OSBP2: variants seen among roughly 807,000 people sequenced by gnomAD.
The protein encoded by OSBP2 is oxysterol binding protein 2, also known as oxysterol-binding protein 2.
Under a neutral mutation model 96.0 loss-of-function variants are expected in OSBP2, and 66 were observed. That is an observed-to-expected ratio of 0.69 (90% CI 0.56 to 0.84). The LOEUF is 0.84. Among genes scored for constraint, OSBP2 ranks in the 40% least tolerant of loss-of-function variants. The pLI, the probability that OSBP2 is intolerant of heterozygous loss-of-function variation, is 0.00. For synonymous variants in OSBP2, 525 were observed against 520.9 expected (o/e 1.01, Z -0.11); for missense variants, 1,038 against 1,222.7 (o/e 0.85, Z 2.25).
intron 2 of OSBP2, among the ~76,000 whole-genome samples, chr22:30,788,155 C>A (rs1475716027): frequency 6.6e-6 from 1 of 152,122 alleles, no homozygotes; most frequent in Non-Finnish European, 1.5e-5. Flanking sequence ...CAGCGCCATA[C>A]CTGGTCCATA....
Position 30,906,163 on chromosome 22 carries a change from G to A in OSBP2, c.2609-34G>A. 3 of 1,613,372 alleles carry A rather than the reference G, an allele frequency of 1.9e-6. No individual in the cohort carries two copies. The South Asian group carries it at 3.3e-5, about 18-fold the overall frequency. On this transcript the variant is annotated intron_variant, in intron 13 of 13. Coordinates refer to ENST00000332585, the MANE Select transcript of OSBP2 (RefSeq NM_030758.4). ...CGGATTCCGGGGGAGCAGGCCACAA[G>A]CCCACCCACCAGCCCACTGTGCCTG...
intron 1 of OSBP2, among the ~76,000 whole-genome samples, chr22:30,730,774 CTATA>C (rs1206537838): frequency 0.016 from 217 of 13,764 alleles, 3 homozygotes; most frequent in East Asian, 0.024. Flanking sequence ...CTCTCTCTCT[CTATA>C]TATATATATA....
intron 2 of OSBP2, among the ~76,000 whole-genome samples, chr22:30,774,927 C>T (rs1451967041): frequency 1.3e-5 from 2 of 152,168 alleles, no homozygotes; most frequent in Non-Finnish European, 2.9e-5. Context: ...TCTAACATTT[C>T]TATGCATGTA....
At chr22:30,779,032 T>C (rs1364777997) in intron 2 of OSBP2, among the ~76,000 whole-genome samples, 29 of 143,630 alleles carry the variant, frequency 2.0e-4, no homozygotes, top group Admixed American at 2.0e-3. Context: ...GGAGACTCCA[T>C]CTCAAAAAAA....
chr22:30,695,086 A>G lies in OSBP2; in HGVS notation c.177A>G (p.Glu59=). 2 of 1,579,826 alleles carry G rather than the reference A, an allele frequency of 1.3e-6. No individual in the cohort carries two copies. Among genetic ancestry groups the G allele is most frequent in the Non-Finnish European group, 1.7e-6 (2 of 1,162,788 alleles). Residue 59 remains glutamate, a synonymous_variant, in exon 1 of 14, where the codon GAA becomes GAG. Coordinates refer to ENST00000332585, the MANE Select transcript of OSBP2 (RefSeq NM_030758.4). ...EPKPQPQPVP[E]PERGPLSEQV... The stretch of plus-strand genomic sequence containing the variant: ...AGCCCCAGCCCCAGCCCGTGCCCGA[A>G]CCGGAGCGGGGACCGCTGTCAGAAC...
intron 1 of OSBP2, among the ~76,000 whole-genome samples, chr22:30,711,739 C>CAAAA (rs34152986): frequency 1.1e-5 from 1 of 91,846 alleles, no homozygotes; most frequent in African/African-American, 4.9e-5. Context: ...GACCCTATCT[C>CAAAA]AAAAAAAAAA....
At chr22:30,891,591 T>C (rs2039948958) in intron 8 of OSBP2, among the ~76,000 whole-genome samples, 1 of 152,186 alleles carries the variant, frequency 6.6e-6, no homozygotes, top group Admixed American at 6.5e-5. Context: ...CTGCAGCTGC[T>C]GCAAGGCCCC....
intron 2 of OSBP2, among the ~76,000 whole-genome samples, chr22:30,857,577 A>T (rs534381296): frequency 6.6e-6 from 1 of 152,330 alleles, no homozygotes; most frequent in African/African-American, 2.4e-5. Flanking sequence ...TCTACCTCGA[A>T]CATGGGTCCA....
At chr22:30,748,310 A>T (rs1012143330) in intron 2 of OSBP2, among the ~76,000 whole-genome samples, 26 of 152,226 alleles carry the variant, frequency 1.7e-4, no homozygotes, top group African/African-American at 6.3e-4. Context: ...ACCTCAGGTG[A>T]TCCGCCTGCC....
At chr22:30,701,985 A>G (rs1049957574) in intron 1 of OSBP2, among the ~76,000 whole-genome samples, 3 of 152,164 alleles carry the variant, frequency 2.0e-5, no homozygotes, top group Non-Finnish European at 4.4e-5. Context: ...GCACACCAAC[A>G]TTCTTAGCAA....
In OSBP2 at chr22:30,735,115, G is replaced by A. The variant is rs375726361; in HGVS notation, c.645-6046G>A. 5.5e-4 allele frequency among the ~76,000 whole-genome samples: 84 copies of A among 152,230 alleles called. 2 individuals are homozygous for A. The highest frequency in any genetic ancestry group is 2.7e-3 in the East Asian group (14 of 5,184). ...GCTGAGACAGGAGGATTGTTTGAGC[G>A]CAGGAGTTCAAGGCTGCAGTGAGCT... On this transcript the variant is annotated intron_variant, in intron 1 of 13. Coordinates refer to ENST00000332585, the MANE Select transcript of OSBP2 (RefSeq NM_030758.4).
At chr22:30,713,434 T>C (rs1298454230) in intron 1 of OSBP2, among the ~76,000 whole-genome samples, 4 of 149,248 alleles carry the variant, frequency 2.7e-5, no homozygotes, top group African/African-American at 7.4e-5. Flanking sequence ...TGGGAACCAA[T>C]GAAGTATTTT....
intron 1 of OSBP2, among the ~76,000 whole-genome samples, chr22:30,707,834 A>G (rs1416065857): frequency 6.6e-6 from 1 of 151,794 alleles, no homozygotes; most frequent in Non-Finnish European, 1.5e-5. Flanking sequence ...AATTGCTAGG[A>G]GAACACAGTG....
intron 2 of OSBP2, among the ~76,000 whole-genome samples, chr22:30,840,320 AAAG>A (rs2038725477): frequency 6.6e-6 from 1 of 150,652 alleles, no homozygotes; most frequent in African/African-American, 2.5e-5. Flanking sequence ...AAAAAAAGAA[AAAG>A]GAAAAAAAAA....
chr22:30,745,472 C>A (rs1262936212), intron 2 of OSBP2, among the ~76,000 whole-genome samples: 1 of 151,888 alleles, frequency 6.6e-6, no homozygotes, highest in South Asian at 2.1e-4. Context: ...CCAGCCTGGC[C>A]AACATGCTTA....
intron 1 of OSBP2, among the ~76,000 whole-genome samples, chr22:30,704,917 C>T (rs1448574905): frequency 6.6e-6 from 1 of 152,214 alleles, no homozygotes; most frequent in Non-Finnish European, 1.5e-5. Flanking sequence ...CTCAGGCCTG[C>T]TGTGTGAACT....
chr22:30,871,120 GGA>G lies in OSBP2; in HGVS notation c.1107+440_1107+441del, dbSNP rs1309365422. ...GGAGCAGACGCTGTGCACAACAAGG[GGA>G]GGGTGTGGTGGGGGGCTGCAGTCGA... On this transcript the variant is annotated intron_variant, in intron 3 of 13. Coordinates refer to ENST00000332585, the MANE Select transcript of OSBP2 (RefSeq NM_030758.4). This position sits in a 1 kb window ranked among gnomAD's most constrained non-coding sequence, Gnocchi z 4.7. Among the ~76,000 whole-genome samples the G allele has an allele frequency of 6.6e-6, 1 of 152,174 alleles. No homozygotes were observed. Among genetic ancestry groups the G allele is most frequent in the Non-Finnish European group, 1.5e-5 (1 of 68,028 alleles).
intron 2 of OSBP2, among the ~76,000 whole-genome samples, chr22:30,808,714 A>G (rs933315160): frequency 2.6e-5 from 4 of 151,988 alleles, no homozygotes; most frequent in Non-Finnish European, 5.9e-5. Context: ...CAGCACTTTG[A>G]GAGGCTGAGG....
intron 2 of OSBP2, among the ~76,000 whole-genome samples, chr22:30,854,747 G>A (rs1013292859): frequency 7.2e-5 from 11 of 151,870 alleles, no homozygotes; most frequent in African/African-American, 2.7e-4. Context: ...TCAGCTTGAA[G>A]AACTTCCTTT....
Sources: gnomAD v4.1 joint callset for allele counts (sites outside exome capture counted in the v4.1 genomes callset) on GRCh38, gnomAD v4.1.1 for gene constraint, Gnocchi (gnomAD v3.1) non-coding constraint, MANE v1.5 for transcripts, NCBI Gene and HGNC (gene_info 2026-07-23, HGNC 2026-07-21) for gene names.